Variants in MAPK10 observed in about 807,000 individuals in gnomAD.
The protein encoded by MAPK10 is JNK3 alpha protein kinase.
A neutral mutation model predicts 59.3 loss-of-function variants in MAPK10; 25 were observed. That is an observed-to-expected ratio of 0.42 (90% CI 0.31 to 0.59). MAPK10 has a LOEUF of 0.59. Ranked by LOEUF, MAPK10 falls within the 20% of genes least tolerant of loss-of-function variation. The pLI is 0.15. For missense variants in MAPK10, 351 were observed against 568.9 expected (o/e 0.62, Z 3.90); for synonymous variants, 190 against 200.5 (o/e 0.95, Z 0.44).
chr4:86,462,512 T>C (rs555482812), intron 1 of MAPK10, among the ~76,000 whole-genome samples: 1 of 152,192 alleles, frequency 6.6e-6, no homozygotes, highest in African/African-American at 2.4e-5. Flanking sequence ...AGGAAAGAAA[T>C]TTGAAGGTTT....
intron 9 of MAPK10, among the ~76,000 whole-genome samples, chr4:86,076,317 C>G (rs905794943): frequency 1.3e-5 from 2 of 152,152 alleles, no homozygotes; most frequent in African/African-American, 4.8e-5. Context: ...GAGATGCACC[C>G]GGTACCTCAG....
chr4:86,409,817 T>C (rs1191412025), intron 1 of MAPK10, among the ~76,000 whole-genome samples: 13 of 152,196 alleles, frequency 8.5e-5, no homozygotes, highest in Admixed American at 8.5e-4. Flanking sequence ...ACAATGGGGT[T>C]TTCTCAATAT....
chr4:86,206,045 T>A (rs2083799269), intron 2 of MAPK10, among the ~76,000 whole-genome samples: 2 of 152,044 alleles, frequency 1.3e-5, no homozygotes, highest in South Asian at 4.1e-4. Flanking sequence ...TTTTTTAATT[T>A]AATTTTATTA....
Position 86,103,073 on chromosome 4 carries a change from C to CTTTGTGTG in MAPK10, c.425+112_425+113insCACACAAA, listed in dbSNP as rs1251474551. 9.9e-5 allele frequency: 30 copies of CTTTGTGTG among 303,492 alleles called. No homozygotes were observed. The East Asian group carries it at 1.6e-3, about 16-fold the overall frequency. The allele number at this position is 303,492 out of a possible 1,614,324, so 18.8% of individuals were successfully genotyped here. A position where few individuals can be genotyped will look rare whatever the true frequency, so the allele number is the denominator to read the frequency against. Reference sequence around the variant, plus strand: ...CTTTGAGCAGTATAAGGGATTTCAACTCTGTGTGTGTGTGTGTGTGTGTGT... The same window carrying CTTTGTGTG: ...CTTTGAGCAGTATAAGGGATTTCAACTTTGTGTGTCTGTGTGTGTGTGTGTGTGTGTGT... On this transcript the variant is annotated intron_variant, in intron 6 of 13. Coordinates refer to ENST00000641462, the MANE Select transcript of MAPK10 (RefSeq NM_138982.4).
At chr4:86,089,105 A>T in intron 9 of MAPK10, 1 of 867,574 alleles carries the variant, frequency 1.2e-6, no homozygotes, top group East Asian at 2.7e-5. Context: ...GAAACTCTCT[A>T]AGGACAGTGA....
intron 2 of MAPK10, among the ~76,000 whole-genome samples, chr4:86,300,249 T>G (rs1016657477): frequency 1.3e-5 from 2 of 152,168 alleles, no homozygotes; most frequent in African/African-American, 4.8e-5. Flanking sequence ...TGTAAAGAGT[T>G]TTAAAAGTGA....
intron 2 of MAPK10, among the ~76,000 whole-genome samples, chr4:86,275,345 C>G (rs1286256550): frequency 6.6e-6 from 1 of 151,932 alleles, no homozygotes; most frequent in Non-Finnish European, 1.5e-5. Context: ...CTCAAAATAA[C>G]CTATATAATT....
intron 9 of MAPK10, among the ~76,000 whole-genome samples, chr4:86,069,577 T>C (rs1360271305): frequency 6.6e-6 from 1 of 152,110 alleles, no homozygotes; most frequent in Non-Finnish European, 1.5e-5. Context: ...ATAGGTAAGC[T>C]ATAAGTACTT....
intron 3 of MAPK10, among the ~76,000 whole-genome samples, chr4:86,181,314 A>AG (rs2076897347): frequency 6.6e-6 from 1 of 152,130 alleles, no homozygotes; most frequent in Non-Finnish European, 1.5e-5. Flanking sequence ...GACCAGTCTT[A>AG]GCTCAGTCCC....
At chr4:86,059,103 A>G (rs746438) in intron 11 of MAPK10, among the ~76,000 whole-genome samples, 4,705 of 152,284 alleles carry the variant, frequency 0.031, 241 homozygotes, top group African/African-American at 0.11. Flanking sequence ...AAGTTTACAT[A>G]TTTGTGTCAC....
At chr4:86,054,448 C>CTA (rs2044162273) in intron 11 of MAPK10, among the ~76,000 whole-genome samples, 1 of 152,078 alleles carries the variant, frequency 6.6e-6, no homozygotes, top group African/African-American at 2.4e-5. Context: ...TCTAATGAAG[C>CTA]TATATTTTCT....
At chr4:86,197,369 T>G (rs149456777) in intron 2 of MAPK10, among the ~76,000 whole-genome samples, 12,921 of 152,126 alleles carry the variant, frequency 0.085, 1,212 homozygotes, top group African/African-American at 0.23. Flanking sequence ...CTGTCTACTA[T>G]TGGTGTATAG....
intron 1 of MAPK10, among the ~76,000 whole-genome samples, chr4:86,419,069 G>A (rs1382577121): frequency 2.0e-5 from 3 of 152,104 alleles, no homozygotes; most frequent in East Asian, 1.9e-4. Context: ...CTGCTCGGGT[G>A]CAACAAAATC....
chr4:86,583,392 T>C (rs577230576), intron 1 of MAPK10, among the ~76,000 whole-genome samples: 1 of 152,228 alleles, frequency 6.6e-6, no homozygotes, highest in South Asian at 2.1e-4. Flanking sequence ...TGTACTTGCT[T>C]CCTTGCTTTC....
Position 86,014,891 on chromosome 4 carries a change from C to T in MAPK10, c.*2337G>A, listed in dbSNP as rs947956443. ...CTCTTTAAAGCAGCTTCCTGCTCTC[C>T]GCACTTAATCCCATGTGGTATAAAG... is the stretch of plus-strand genomic sequence containing the variant. On this transcript the variant is annotated 3_prime_UTR_variant, in exon 14 of 14. Transcript: ENST00000641462. 1 of 151,656 alleles carries T rather than the reference C, an allele frequency of 6.6e-6. No individual in the cohort carries two copies. Among genetic ancestry groups the T allele is most frequent in the African/African-American group, 2.4e-5 (1 of 41,242 alleles). The allele number at this position is 151,656 out of a possible 1,614,324, so 9.4% of individuals were successfully genotyped here. A position where few individuals can be genotyped will look rare whatever the true frequency, so the allele number is the denominator to read the frequency against.
At chr4:86,355,963 G>A (rs1490486797) in intron 1 of MAPK10, among the ~76,000 whole-genome samples, 1 of 152,130 alleles carries the variant, frequency 6.6e-6, no homozygotes, top group Non-Finnish European at 1.5e-5. Flanking sequence ...ACAGGAGTCA[G>A]TTTTATTTCT....
intron 1 of MAPK10, among the ~76,000 whole-genome samples, chr4:86,397,028 C>G (rs1181820863): frequency 6.6e-6 from 1 of 151,902 alleles, no homozygotes; most frequent in African/African-American, 2.4e-5. Flanking sequence ...TGTGGTTCAC[C>G]TTGTGGCCCA....
At chr4:86,571,253 T>C (rs1412692985) in intron 1 of MAPK10, among the ~76,000 whole-genome samples, 7 of 148,256 alleles carry the variant, frequency 4.7e-5, no homozygotes, top group Non-Finnish European at 7.4e-5. Context: ...TGCAATGATA[T>C]CCAAAATTTA....
At chr4:86,359,263 CCTCTCTCTCT>C (rs367595812) in intron 1 of MAPK10, among the ~76,000 whole-genome samples, 33 of 53,452 alleles carry the variant, frequency 6.2e-4, no homozygotes, top group Non-Finnish European at 1.5e-4. Flanking sequence ...TTTTTTTTTT[CCTCTCTCTCT>C]CTCTCTCTCT....
Sources: allele counts gnomAD v4.1 joint callset (sites outside exome capture counted in the v4.1 genomes callset), GRCh38; gene constraint gnomAD v4.1.1; transcripts MANE v1.5; gene names NCBI Gene and HGNC (gene_info 2026-07-23, HGNC 2026-07-21).